Variants in ST6GALNAC5 observed in about 807,000 individuals in gnomAD.
ST6GALNAC5 encodes the protein alpha-N-acetylgalactosaminide alpha-2,6-sialyltransferase 5.
ST6GALNAC5 carries 27 observed loss-of-function variants against 33.6 expected under a neutral mutation model. The ratio of observed to expected loss-of-function variants is 0.80; its 90% CI spans 0.59 to 1.11. ST6GALNAC5 has a LOEUF of 1.11. ST6GALNAC5 is among the 50% of genes least tolerant of loss of function. The pLI is 0.00. For synonymous variants in ST6GALNAC5, 194 were observed against 171.2 expected (o/e 1.13, Z -1.04); for missense variants, 428 against 454.0 (o/e 0.94, Z 0.52).
intron 2 of ST6GALNAC5, among the ~76,000 whole-genome samples, chr1:77,025,701 G>A (rs1651204845): frequency 6.6e-6 from 1 of 152,180 alleles, no homozygotes; most frequent in East Asian, 1.9e-4. Context: ...TGAGAGAAGG[G>A]GGTCAATGGA....
chr1:76,918,948 T>C (rs1026077528), intron 2 of ST6GALNAC5, among the ~76,000 whole-genome samples: 4 of 152,188 alleles, frequency 2.6e-5, no homozygotes, highest in African/African-American at 9.6e-5. Context: ...ATCATTAAGA[T>C]ACTGTAAAAC....
intron 2 of ST6GALNAC5, among the ~76,000 whole-genome samples, chr1:76,938,341 A>T (rs941616525): frequency 6.6e-6 from 1 of 152,112 alleles, no homozygotes; most frequent in Non-Finnish European, 1.5e-5. Flanking sequence ...CTGCTTTTAT[A>T]GGGAGACATG....
chr1:76,955,680 A>G (rs1193436673), intron 2 of ST6GALNAC5, among the ~76,000 whole-genome samples: 1 of 152,178 alleles, frequency 6.6e-6, no homozygotes, highest in Admixed American at 6.6e-5. Context: ...GAAGTCCATA[A>G]ATCCACATTA....
At chr1:76,928,579 C>T (rs1199525765) in intron 2 of ST6GALNAC5, among the ~76,000 whole-genome samples, 2 of 152,094 alleles carry the variant, frequency 1.3e-5, no homozygotes, top group Non-Finnish European at 2.9e-5. Context: ...TCATTTACAT[C>T]AGATGAGTGA....
chr1:76,991,719 A>G (rs1369252905), intron 2 of ST6GALNAC5, among the ~76,000 whole-genome samples: 2 of 152,136 alleles, frequency 1.3e-5, no homozygotes, highest in Non-Finnish European at 2.9e-5. Context: ...CTCAGCCCAC[A>G]GAACATAGCT....
At chr1:77,027,766 T>C (rs1651302403) in intron 2 of ST6GALNAC5, among the ~76,000 whole-genome samples, 1 of 152,166 alleles carries the variant, frequency 6.6e-6, no homozygotes. Context: ...TGTTTGGTGG[T>C]GATGTTCTGA....
intron 2 of ST6GALNAC5, among the ~76,000 whole-genome samples, chr1:76,946,284 C>T (rs1570697007): frequency 2.0e-5 from 3 of 152,114 alleles, no homozygotes; most frequent in Admixed American, 2.0e-4. Flanking sequence ...CAAGACAGCT[C>T]ACTCATTTCC....
At chr1:77,048,793 T>C (rs981335483) in intron 3 of ST6GALNAC5, among the ~76,000 whole-genome samples, 2 of 152,196 alleles carry the variant, frequency 1.3e-5, no homozygotes, top group Non-Finnish European at 2.9e-5. Context: ...CTTGGTGCTT[T>C]TCATACATGC....
At chr1:76,962,575 G>A (rs532387923) in intron 2 of ST6GALNAC5, among the ~76,000 whole-genome samples, 1 of 152,310 alleles carries the variant, frequency 6.6e-6, no homozygotes, top group Non-Finnish European at 1.5e-5. Flanking sequence ...GAACCTAAAA[G>A]CATAGGGTAG....
chr1:76,906,661 C>A (rs116440282), intron 2 of ST6GALNAC5, among the ~76,000 whole-genome samples: 39 of 152,158 alleles, frequency 2.6e-4, no homozygotes, highest in Non-Finnish European at 4.3e-4. Context: ...ACAGAAAGTT[C>A]TCTTAAATAG....
intron 2 of ST6GALNAC5, among the ~76,000 whole-genome samples, chr1:76,905,489 G>A (rs1019156124): frequency 2.0e-5 from 3 of 152,136 alleles, no homozygotes; most frequent in Non-Finnish European, 2.9e-5. Flanking sequence ...AGGGAACAGC[G>A]TATTTCTCCA....
intron 2 of ST6GALNAC5, among the ~76,000 whole-genome samples, chr1:76,886,620 C>T (rs960516750): frequency 2.0e-5 from 3 of 152,126 alleles, no homozygotes; most frequent in African/African-American, 4.8e-5. Context: ...CTCCTTTGGC[C>T]GTTAGATTGA....
At chr1:76,907,806 T>C (rs752293900) in intron 2 of ST6GALNAC5, among the ~76,000 whole-genome samples, 5 of 152,180 alleles carry the variant, frequency 3.3e-5, no homozygotes, top group Admixed American at 6.6e-5. Flanking sequence ...AGCAAGTGTA[T>C]TGTAGCTACA....
chr1:76,893,808 G>A (rs543546158), intron 2 of ST6GALNAC5, among the ~76,000 whole-genome samples: 7 of 152,164 alleles, frequency 4.6e-5, no homozygotes, highest in East Asian at 1.9e-4. Context: ...CTACAGGTGC[G>A]TGCCACCAAA....
At chr1:76,975,319 C>A (rs755466263) in intron 2 of ST6GALNAC5, among the ~76,000 whole-genome samples, 1 of 151,968 alleles carries the variant, frequency 6.6e-6, no homozygotes. Flanking sequence ...TTTTTTGTAT[C>A]TATGGAGATT....
intron 2 of ST6GALNAC5, among the ~76,000 whole-genome samples, chr1:76,907,606 T>C (rs1646876551): frequency 6.6e-6 from 1 of 152,152 alleles, no homozygotes; most frequent in African/African-American, 2.4e-5. Context: ...ACCATGCAAG[T>C]GTAGCCCCAC....
intron 2 of ST6GALNAC5, among the ~76,000 whole-genome samples, chr1:76,963,861 AT>A (rs1648347561): frequency 6.6e-6 from 1 of 152,196 alleles, no homozygotes; most frequent in African/African-American, 2.4e-5. Flanking sequence ...GTATTATTCC[AT>A]TGTGAACCCA....
chr1:76,884,227 C>T (rs185445709), intron 2 of ST6GALNAC5, among the ~76,000 whole-genome samples: 34 of 152,252 alleles, frequency 2.2e-4, no homozygotes, highest in Admixed American at 9.8e-4. Context: ...TGCAGATTCT[C>T]CAACAGAAGG....
intron 2 of ST6GALNAC5, among the ~76,000 whole-genome samples, chr1:76,921,276 T>C (rs915868386): frequency 6.6e-6 from 1 of 152,092 alleles, no homozygotes; most frequent in Non-Finnish European, 1.5e-5. Flanking sequence ...GAAAAGATAG[T>C]GGAAGACACT....
Sources: allele counts gnomAD v4.1 joint callset (sites outside exome capture counted in the v4.1 genomes callset), GRCh38; gene constraint gnomAD v4.1.1; transcripts MANE v1.5; gene names NCBI Gene and HGNC (gene_info 2026-07-23, HGNC 2026-07-21).